The following CRAMP1 variants were observed in gnomAD, a reference collection of about 807,000 sequenced individuals.
The protein encoded by CRAMP1 is cramped chromatin regulator 1.
In CRAMP1, 50 loss-of-function variants were observed where a neutral mutation model predicts 115.4. The ratio of observed to expected loss-of-function variants is 0.43; its 90% CI spans 0.35 to 0.55. The LOEUF is 0.55. CRAMP1 is among the 20% of genes least tolerant of loss of function. The pLI is 0.01. For missense variants in CRAMP1, 1,679 were observed against 1,721.7 expected, an observed-to-expected ratio of 0.98 and a Z score of 0.44; for synonymous variants, 866 against 745.4, an observed-to-expected ratio of 1.16 and a Z score of -2.64.
Position 1,656,780 on chromosome 16 carries a change from G to A in CRAMP1, c.2023G>A (p.Glu675Lys), listed in dbSNP as rs1421381135. The change falls in exon 10 of 21, where the codon GAG (glutamate) becomes AAG (lysine). Residue 675 changes from glutamate to lysine, a missense_variant. Physicochemically the swap from Glu to Lys is moderately conservative, Grantham distance 56. Transcript: ENST00000397412. The surrounding 1 kb of genome is among the most constrained non-coding windows in gnomAD (Gnocchi z 5.6). ...PASRLAQQLR[E>K]EGWNLQTSES... ...CAGCCGGCTGGCTCAGCAGCTCCGT[G>A]AGGAGGGCTGGAACCTGCAGACCTC... 1 of 1,548,034 alleles carries A rather than the reference G, an allele frequency of 6.5e-7. No homozygotes were observed. The highest frequency in any genetic ancestry group is 1.4e-5 in the African/African-American group (1 of 73,120).
At chr16:1,664,778 CAAA>C (rs60337080) in intron 13 of CRAMP1, among the ~76,000 whole-genome samples, 2 of 106,958 alleles carry the variant, frequency 1.9e-5, no homozygotes, top group Non-Finnish European at 2.0e-5. Flanking sequence ...GACACCGTCT[CAAA>C]AAAAAAAAAA....
At position 1,656,228 on chromosome 16, in the gene CRAMP1, C is replaced by T; in HGVS notation, c.1471C>T (p.Pro491Ser). Reference protein sequence around the residue: ...DALQSSGESSPESAPGEGAAL... With the variant: ...DALQSSGESSSESAPGEGAAL... ...CTTGCAGAGCTCCGGAGAGAGTTCC[C>T]CCGAAAGCGCCCCCGGGGAGGGGGC... Residue 491 changes from proline to serine, a missense_variant, in exon 10 of 21, where the codon CCC becomes TCC. Transcript: ENST00000397412. This position sits in a 1 kb window ranked among gnomAD's most constrained non-coding sequence, Gnocchi z 5.6. 1 of 1,607,632 alleles carries T rather than the reference C, an allele frequency of 6.2e-7. No homozygotes were observed. Among genetic ancestry groups the T allele is most frequent in the Non-Finnish European group, 8.5e-7 (1 of 1,178,490 alleles).
chr16:1,614,860 G>A lies in CRAMP1; in HGVS notation c.221G>A (p.Gly74Asp). The A allele has an allele frequency of 7.6e-7, 1 of 1,317,444 alleles. No homozygotes were observed. The highest frequency in any genetic ancestry group is 2.5e-5 in the South Asian group (1 of 39,394). 81.6% of individuals were successfully genotyped at this position (1,317,444 alleles called of 1,614,324 possible). A position where few individuals can be genotyped will look rare whatever the true frequency, so the allele number is the denominator to read the frequency against. Reference sequence around the variant, plus strand: ...CCGCAGGCGCCGTCCCCGCCGCAGGGCAGCCCCCAGGACCAGCACCACTTC... The same window carrying A: ...CCGCAGGCGCCGTCCCCGCCGCAGGACAGCCCCCAGGACCAGCACCACTTC... ...GAPQAPSPPQ[G>D]SPQDQHHFLR... Residue 74 changes from glycine to aspartate, a missense_variant, in exon 2 of 21, where the codon GGC becomes GAC. Physicochemically the swap from Gly to Asp is moderately conservative, Grantham distance 94. Around this residue, in one of 8 missense-constraint regions of CRAMP1, gnomAD observed 264 missense variants for 229.7 expected, o/e 1.15. Coordinates refer to ENST00000397412, the MANE Select transcript of CRAMP1 (RefSeq NM_020825.4). This position sits in a 1 kb window ranked among gnomAD's most constrained non-coding sequence, Gnocchi z 4.4.
rs1596498372 is a variant in CRAMP1, at chr16:1,666,449, C to T, written c.2885C>T (p.Ala962Val). Residue 962 changes from alanine to valine, a missense_variant, in exon 16 of 21, where the codon GCC becomes GTC. Ala to Val is a moderately conservative substitution (Grantham distance 64, BLOSUM62 0). Around this residue, in one of 8 missense-constraint regions of CRAMP1, gnomAD observed 709 missense variants for 741.9 expected, o/e 0.96. Transcript: ENST00000397412. The surrounding 1 kb of genome is among the most constrained non-coding windows in gnomAD (Gnocchi z 5.0). ...ASAIDLAATSAGILSGNPLPA... is the reference protein window; with the variant it reads ...ASAIDLAATSVGILSGNPLPA... ...GCTATCGACTTAGCAGCTACAAGTG[C>T]CGGCATCCTTTCCGGGAACCCCCTC... 6.2e-7 allele frequency: 1 copy of T among 1,613,580 alleles called. No homozygotes were observed. Among genetic ancestry groups the T allele is most frequent in the Non-Finnish European group, 8.5e-7 (1 of 1,179,690 alleles).
chr16:1,618,030 C>A (rs182161510), intron 2 of CRAMP1, among the ~76,000 whole-genome samples: 26 of 152,320 alleles, frequency 1.7e-4, no homozygotes, highest in African/African-American at 6.3e-4. Flanking sequence ...CCCACGTGAC[C>A]CTGGGACGCA....
chr16:1,655,917 C>G lies in CRAMP1; in HGVS notation c.1160C>G (p.Ser387Cys). 6.2e-7 allele frequency: 1 copy of G among 1,612,912 alleles called. No individual in the cohort carries two copies. The highest frequency in any genetic ancestry group is 1.3e-5 in the African/African-American group (1 of 75,056). The change falls in exon 10 of 21, where the codon TCC becomes TGC. Residue 387 changes from serine (S) to cysteine (C), a missense_variant. By Grantham distance (112) the Ser-to-Cys change is moderately radical. Transcript: ENST00000397412. ...LEERQLQDSC[S>C]APMQEKVTLH... ...GAGCGGCAGCTGCAGGACTCATGCT[C>G]CGCACCGATGCAGGAGAAGGTGACA...
chr16:1,641,117 T>C (rs1159015440), intron 5 of CRAMP1, 22 bp from the exon 6 acceptor site: 1 of 1,578,942 alleles, frequency 6.3e-7, no homozygotes, highest in East Asian at 2.2e-5. Flanking sequence ...TGGTCTCATT[T>C]ATTTATTTTT....
intron 2 of CRAMP1, among the ~76,000 whole-genome samples, chr16:1,619,824 GGT>G (rs2036451235): frequency 6.6e-6 from 1 of 152,178 alleles, no homozygotes; most frequent in Non-Finnish European, 1.5e-5. Flanking sequence ...GAGACCATTA[GGT>G]TTTAGGTCAG....
intron 2 of CRAMP1, among the ~76,000 whole-genome samples, chr16:1,625,434 T>C (rs933126843): frequency 6.6e-6 from 1 of 152,152 alleles, no homozygotes; most frequent in Non-Finnish European, 1.5e-5. Flanking sequence ...TGGACATTGA[T>C]TGAGGGTAAG....
chr16:1,621,026 G>A (rs1371672010), intron 2 of CRAMP1, among the ~76,000 whole-genome samples: 2 of 152,154 alleles, frequency 1.3e-5, no homozygotes, highest in African/African-American at 4.8e-5. Context: ...AAGAAGCAGG[G>A]CATTTGAATG....
chr16:1,618,741 G>A (rs1428846386), intron 2 of CRAMP1, among the ~76,000 whole-genome samples: 1 of 152,172 alleles, frequency 6.6e-6, no homozygotes, highest in Non-Finnish European at 1.5e-5. Context: ...ATAAGAGATT[G>A]TACCTGTAGT....
At chr16:1,630,066 C>T (rs1446663547) in intron 3 of CRAMP1, among the ~76,000 whole-genome samples, 21 of 152,172 alleles carry the variant, frequency 1.4e-4, no homozygotes, top group Admixed American at 1.4e-3. Context: ...CCCAGCAGTC[C>T]CCAGGTTCTC....
rs1394579767 is a variant in CRAMP1 at position 1,656,787 on chromosome 16, G to A, written c.2030G>A (p.Gly677Asp). The A allele has an allele frequency of 1.3e-6, 2 of 1,548,214 alleles. No homozygotes were observed. The highest frequency in any genetic ancestry group is 8.7e-7 in the Non-Finnish European group (1 of 1,145,256). The change falls in exon 10 of 21, where the codon GGC becomes GAC. Residue 677 changes from glycine to aspartate, a missense_variant. By Grantham distance (94) the Gly-to-Asp change is moderately conservative. Coordinates refer to ENST00000397412, the MANE Select transcript of CRAMP1 (RefSeq NM_020825.4). This position sits in a 1 kb window ranked among gnomAD's most constrained non-coding sequence, Gnocchi z 5.6. ...SRLAQQLREE[G>D]WNLQTSESLT... ...CTGGCTCAGCAGCTCCGTGAGGAGG[G>A]CTGGAACCTGCAGACCTCCGAAAGC...
Position 1,676,518 on chromosome 16 carries a change from CAG to C in CRAMP1, c.*2477_*2478del, listed in dbSNP as rs3840038. ...GGCTGGAATTTTCAAAAGATCCAAA[CAG>C]AGACTTCCTGCATCTTCTGCCTTTC... On this transcript the variant is annotated 3_prime_UTR_variant, in exon 21 of 21. Transcript: ENST00000397412. 0.088 allele frequency: 13,455 copies of C among 152,324 alleles called. 668 individuals carry two copies. The highest frequency in any genetic ancestry group is 0.13 in the African/African-American group (5,228 of 41,562). The allele number at this position is 152,324 out of a possible 1,614,324, so 9.4% of individuals were successfully genotyped here.
chr16:1,666,211 G>A lies in CRAMP1; in HGVS notation c.2857+34G>A, dbSNP rs1487820477. ...GTACCTGCATGGCCACAGCCACTGAGTGAGCCTCTGAGGGATGTTTTTGTG... is the reference window on the plus strand; with the variant it reads ...GTACCTGCATGGCCACAGCCACTGAATGAGCCTCTGAGGGATGTTTTTGTG... On this transcript the variant is annotated intron_variant, in intron 15 of 20. Coordinates refer to ENST00000397412, the MANE Select transcript of CRAMP1 (RefSeq NM_020825.4). This position sits in a 1 kb window ranked among gnomAD's most constrained non-coding sequence, Gnocchi z 5.0. 1 of 1,459,700 alleles carries A rather than the reference G, an allele frequency of 6.9e-7. No individual in the cohort carries two copies. The highest frequency in any genetic ancestry group is 1.2e-5 in the South Asian group (1 of 84,322). 90.4% of individuals were successfully genotyped at this position (1,459,700 alleles called of 1,614,324 possible). A position where few individuals can be genotyped will look rare whatever the true frequency, so the allele number is the denominator to read the frequency against.
rs771496407 is a variant in CRAMP1, at chr16:1,665,154, T to C, written c.2752+16T>C. ...TCCGTAACTGGTAAGGACCCTGAGCTTTTCTGGGGTAGCTTGTCCCTCCTC... is the reference window on the plus strand; with the variant it reads ...TCCGTAACTGGTAAGGACCCTGAGCCTTTCTGGGGTAGCTTGTCCCTCCTC... On this transcript the variant is annotated intron_variant, in intron 14 of 20. Coordinates refer to ENST00000397412, the MANE Select transcript of CRAMP1 (RefSeq NM_020825.4). 1.3e-6 allele frequency: 2 copies of C among 1,557,260 alleles called. No individual in the cohort carries two copies. Among genetic ancestry groups the C allele is most frequent in the Admixed American group, 3.3e-5 (2 of 59,940 alleles).
chr16:1,656,507 C>A lies in CRAMP1; in HGVS notation c.1750C>A (p.Pro584Thr). Reference sequence around the variant, plus strand: ...GCAGTGCCGCTGTGCGGACACACGGCCTGGGAGCGAGCAGCCCCCTCTGGG... The same window carrying A: ...GCAGTGCCGCTGTGCGGACACACGGACTGGGAGCGAGCAGCCCCCTCTGGG... ...PEQCRCADTRPGSEQPPLGGA... is the reference protein window; with the variant it reads ...PEQCRCADTRTGSEQPPLGGA... The change falls in exon 10 of 21, where the codon CCT (proline) becomes ACT (threonine). Residue 584 changes from proline to threonine, a missense_variant. By Grantham distance (38) the Pro-to-Thr change is conservative. This residue lies in a region of CRAMP1 where 405 missense variants were observed against 302.6 expected (regional missense o/e 1.34). Transcript: ENST00000397412. The surrounding 1 kb of genome is among the most constrained non-coding windows in gnomAD (Gnocchi z 5.6). 1 of 1,567,426 alleles carries A rather than the reference C, an allele frequency of 6.4e-7. No individual in the cohort carries two copies. The highest frequency in any genetic ancestry group is 1.2e-5 in the South Asian group (1 of 85,296).
Position 1,614,848 on chromosome 16 carries a change from C to G in CRAMP1, c.209C>G (p.Ser70Cys). 3 of 1,288,250 alleles carry G rather than the reference C, an allele frequency of 2.3e-6. No homozygotes were observed. The highest frequency in any genetic ancestry group is 6.1e-5 in the South Asian group (2 of 32,712). 79.8% of individuals were successfully genotyped at this position (1,288,250 alleles called of 1,614,324 possible). Reference protein sequence around the residue: ...PAPPGAPQAPSPPQGSPQDQH... With the variant: ...PAPPGAPQAPCPPQGSPQDQH... ...CCCCCCGGCGCGCCGCAGGCGCCGT[C>G]CCCGCCGCAGGGCAGCCCCCAGGAC... The change falls in exon 2 of 21, where the codon TCC becomes TGC. Residue 70 changes from serine to cysteine, a missense_variant. Coordinates refer to ENST00000397412, the MANE Select transcript of CRAMP1 (RefSeq NM_020825.4). This position sits in a 1 kb window ranked among gnomAD's most constrained non-coding sequence, Gnocchi z 4.4.
chr16:1,659,325 T>C (rs1055664209), intron 10 of CRAMP1, among the ~76,000 whole-genome samples: 1 of 152,148 alleles, frequency 6.6e-6, no homozygotes, highest in African/African-American at 2.4e-5. Flanking sequence ...AAGGTACTTG[T>C]GAGGAAGGGA....
Sources: gnomAD v4.1 joint callset for allele counts (sites outside exome capture counted in the v4.1 genomes callset) on GRCh38, gnomAD v4.1.1 for gene constraint, gnomAD v4.1.1 regional missense constraint, Gnocchi (gnomAD v3.1) non-coding constraint, MANE v1.5 for transcripts, NCBI Gene and HGNC (gene_info 2026-07-23, HGNC 2026-07-21) for gene names.